Variants in CAST observed in about 807,000 individuals in gnomAD.
The protein encoded by CAST is calpastatin.
Under a neutral mutation model 119.6 loss-of-function variants are expected in CAST, and 76 were observed. That is an observed-to-expected ratio of 0.64 (90% confidence interval 0.53 to 0.77). The LOEUF is 0.77. CAST is among the 30% of genes least tolerant of loss of function. CAST has a pLI of 0.00. For synonymous variants in CAST, 319 were observed against 331.6 expected (o/e 0.96, Z 0.41); for missense variants, 953 against 946.5 (o/e 1.01, Z -0.09).
chr5:96,643,199 A>C (rs1747974466), intron 1 of CAST, among the ~76,000 whole-genome samples: 2 of 152,272 alleles, frequency 1.3e-5, no homozygotes, highest in African/African-American at 4.8e-5. Context: ...ATTATATTTC[A>C]AAATGATATA....
chr5:96,617,788 T>A (rs559740471), intron 1 of CAST, among the ~76,000 whole-genome samples: 1 of 16,734 alleles, frequency 6.0e-5, no homozygotes, highest in Admixed American at 8.2e-4. Flanking sequence ...CAAAATTCCA[T>A]CTAAAAAAAA....
At chr5:96,559,068 A>G (rs919965957) in intron 1 of CAST, among the ~76,000 whole-genome samples, 4 of 152,164 alleles carry the variant, frequency 2.6e-5, no homozygotes, top group Non-Finnish European at 5.9e-5. Context: ...CAAATCGATA[A>G]ACGTAATCCA....
intron 1 of CAST, among the ~76,000 whole-genome samples, chr5:96,541,109 A>G (rs1745904481): frequency 6.6e-6 from 1 of 152,172 alleles, no homozygotes; most frequent in Non-Finnish European, 1.5e-5. Context: ...TACATAACTT[A>G]CTTGAAATTC....
chr5:96,558,655 C>T (rs1266588313), intron 1 of CAST, among the ~76,000 whole-genome samples: 1 of 152,078 alleles, frequency 6.6e-6, no homozygotes, highest in Non-Finnish European at 1.5e-5. Flanking sequence ...AAGACTAAAC[C>T]AGGAAGAAAT....
At chr5:96,085,462 G>T in the CAST span, among the ~76,000 whole-genome samples, 1 of 152,156 alleles carries the variant, frequency 6.6e-6, no homozygotes, top group Non-Finnish European at 1.5e-5. Flanking sequence ...AAGCAAATTT[G>T]TGACCCCAAA....
At chr5:96,504,719 C>G in the CAST span, among the ~76,000 whole-genome samples, 1 of 152,258 alleles carries the variant, frequency 6.6e-6, no homozygotes, top group East Asian at 1.9e-4. Context: ...TCACCACAGT[C>G]CACTTTCCCC....
At chr5:96,670,744 C>T (rs1303223808) in intron 1 of CAST, among the ~76,000 whole-genome samples, 1 of 152,242 alleles carries the variant, frequency 6.6e-6, no homozygotes, top group Non-Finnish European at 1.5e-5. Flanking sequence ...GATCTGCCCA[C>T]CTCGGCCTCC....
chr5:96,543,392 G>T (rs1222149087), intron 1 of CAST, among the ~76,000 whole-genome samples: 1 of 152,076 alleles, frequency 6.6e-6, no homozygotes, highest in African/African-American at 2.4e-5. Flanking sequence ...GGCTTGGGGG[G>T]CAAGGGGAGG....
chr5:96,589,025 T>C (rs1746914202), intron 1 of CAST, among the ~76,000 whole-genome samples: 2 of 152,230 alleles, frequency 1.3e-5, no homozygotes, highest in South Asian at 4.1e-4. Context: ...CCCCAGGTTA[T>C]AAAGTTAGAC....
the CAST span, among the ~76,000 whole-genome samples, chr5:96,214,203 A>T: frequency 6.6e-6 from 1 of 152,216 alleles, no homozygotes; most frequent in Non-Finnish European, 1.5e-5. Context: ...ACTTATAATG[A>T]AATATGTAAA....
the CAST span, among the ~76,000 whole-genome samples, chr5:96,053,249 G>A: frequency 6.6e-6 from 1 of 152,140 alleles, no homozygotes; most frequent in Non-Finnish European, 1.5e-5. Flanking sequence ...ATTGGTCTGA[G>A]GTACAGCCTG....
the CAST span, among the ~76,000 whole-genome samples, chr5:96,384,311 CA>C: frequency 6.6e-6 from 1 of 152,172 alleles, no homozygotes; most frequent in Non-Finnish European, 1.5e-5. Flanking sequence ...GCTGAGAAGA[CA>C]ATCCACATCT....
At chr5:96,233,607 C>T in the CAST span, among the ~76,000 whole-genome samples, 1 of 152,066 alleles carries the variant, frequency 6.6e-6, no homozygotes, top group African/African-American at 2.4e-5. Flanking sequence ...GGACAGATGG[C>T]AGATACAATA....
chr5:96,754,807 G>C (rs759899544), intron 22 of CAST, 66 bp downstream of exon 22: 5 of 919,860 alleles, frequency 5.4e-6, no homozygotes, highest in Non-Finnish European at 8.8e-6. Context: ...CAGAACAAAG[G>C]TACTTGGGAA....
chr5:96,320,814 C>T, the CAST span, among the ~76,000 whole-genome samples: 28 of 152,168 alleles, frequency 1.8e-4, no homozygotes, highest in Admixed American at 1.6e-3. Flanking sequence ...AACAATTTCT[C>T]TTGCAGGCTA....
At chr5:96,380,090 C>T in the CAST span, among the ~76,000 whole-genome samples, 1 of 152,138 alleles carries the variant, frequency 6.6e-6, no homozygotes, top group Non-Finnish European at 1.5e-5. Flanking sequence ...TGCGCACAAC[C>T]CTGGAAGTCC....
At chr5:96,647,216 G>A (rs1464521111) in intron 1 of CAST, among the ~76,000 whole-genome samples, 3 of 152,106 alleles carry the variant, frequency 2.0e-5, no homozygotes, top group Non-Finnish European at 2.9e-5. Flanking sequence ...GTCTCAACCG[G>A]AGTCCTTAGG....
the CAST span, among the ~76,000 whole-genome samples, chr5:96,088,940 T>A: frequency 2.0e-5 from 3 of 152,042 alleles, no homozygotes; most frequent in Non-Finnish European, 4.4e-5. Flanking sequence ...TGGATTGAGG[T>A]GATTAGTTAC....
At chr5:96,140,901 C>T in the CAST span, among the ~76,000 whole-genome samples, 1 of 152,188 alleles carries the variant, frequency 6.6e-6, no homozygotes, top group Non-Finnish European at 1.5e-5. Flanking sequence ...TTGTAACACT[C>T]CTTACCTCCT....
Sources: allele counts gnomAD v4.1 joint callset (sites outside exome capture counted in the v4.1 genomes callset), GRCh38; gene constraint gnomAD v4.1.1; transcripts MANE v1.5; gene names NCBI Gene and HGNC (gene_info 2026-07-23, HGNC 2026-07-21).